CCDC122: variants seen among roughly 807,000 people sequenced by gnomAD.
The protein encoded by CCDC122 is coiled-coil domain-containing protein 122.
CCDC122 carries 38 observed loss-of-function variants against 37.0 expected under a neutral mutation model. That is an observed-to-expected ratio of 1.03 (90% CI 0.79 to 1.35). The LOEUF (loss-of-function observed/expected upper bound fraction) is 1.35. Ranked by LOEUF, CCDC122 falls within the 40% of genes most tolerant of loss-of-function variation. The pLI is 0.00. For missense variants in CCDC122, 305 were observed against 310.0 expected (o/e 0.98, Z 0.12); for synonymous variants, 83 against 95.6 (o/e 0.87, Z 0.77).
chr13:43,843,700 A>C (rs895340486), intron 6 of CCDC122, among the ~76,000 whole-genome samples: 3 of 151,980 alleles, frequency 2.0e-5, no homozygotes, highest in African/African-American at 7.2e-5. Context: ...GGAGCCTTAT[A>C]TATGGGAAGA....
Position 43,853,542 on chromosome 13 carries a change from G to A in CCDC122, c.672+5239C>T, listed in dbSNP as rs540238205. Among the ~76,000 whole-genome samples the A allele has an allele frequency of 1.3e-4, 20 of 152,124 alleles. No individual in the cohort carries two copies. In the South Asian group the frequency reaches 4.2e-3, roughly 32 times the overall value. The stretch of plus-strand genomic sequence containing the variant: ...CTTAGACCCCCACACAATAATGGTG[G>A]GAGATTCTAACACCCCACTAACAAT... On this transcript the variant is annotated intron_variant, in intron 6 of 6. Coordinates refer to ENST00000444614, the MANE Select transcript of CCDC122 (RefSeq NM_144974.5).
intron 6 of CCDC122, among the ~76,000 whole-genome samples, chr13:43,850,502 A>C (rs1185928199): frequency 6.6e-6 from 1 of 152,244 alleles, no homozygotes; most frequent in Non-Finnish European, 1.5e-5. Flanking sequence ...CTCAAATGGC[A>C]ATTTAAGAAC....
chr13:43,878,027 A>G (rs1455088509), intron 1 of CCDC122: 1 of 152,230 alleles, frequency 6.6e-6, no homozygotes, highest in Admixed American at 6.5e-5. Context: ...TGGTGAAAGG[A>G]AATGGTATGC....
intron 3 of CCDC122, among the ~76,000 whole-genome samples, chr13:43,828,553 GATAC>G (rs780117537): frequency 6.5e-5 from 5 of 76,768 alleles, no homozygotes; most frequent in Non-Finnish European, 1.2e-4. Flanking sequence ...TTTATAGACA[GATAC>G]ACACACACAC....
At chr13:43,854,704 A>G (rs1707524949) in intron 6 of CCDC122, 2 of 152,198 alleles carry the variant, frequency 1.3e-5, no homozygotes. Flanking sequence ...TCCTTGATGA[A>G]CATCGATGCA....
chr13:43,840,777 T>C (rs36181000), intron 6 of CCDC122, among the ~76,000 whole-genome samples: 67,619 of 138,364 alleles, frequency 0.49, 18,710 homozygotes, highest in Non-Finnish European at 0.62. Context: ...TTAATCCAGT[T>C]TACAATTGTT....
downstream of CCDC122, among the ~76,000 whole-genome samples, chr13:43,835,238 C>G (rs1197915769): frequency 2.0e-5 from 3 of 152,132 alleles, no homozygotes. Flanking sequence ...CGTGTTCTCA[C>G]TCCTAGGTGG....
chr13:43,869,089 T>C (rs1264721230), intron 3 of CCDC122, among the ~76,000 whole-genome samples: 5 of 152,054 alleles, frequency 3.3e-5, no homozygotes, highest in African/African-American at 9.7e-5. Flanking sequence ...CTTGCACATA[T>C]ACTATAATTA....
chr13:43,834,196 C>A (rs1167664904), downstream of CCDC122, among the ~76,000 whole-genome samples: 1 of 152,086 alleles, frequency 6.6e-6, no homozygotes, highest in Admixed American at 6.5e-5. Flanking sequence ...CTGGCAAAAA[C>A]AAGAAATGAG....
intron 4 of CCDC122, among the ~76,000 whole-genome samples, chr13:43,864,604 T>G (rs1264839234): frequency 6.6e-6 from 1 of 152,102 alleles, no homozygotes; most frequent in Non-Finnish European, 1.5e-5. Flanking sequence ...GAATGAGAAC[T>G]CCTTTGCTCC....
chr13:43,843,258 A>G (rs186099791), intron 6 of CCDC122, among the ~76,000 whole-genome samples: 9 of 151,970 alleles, frequency 5.9e-5, no homozygotes, highest in Non-Finnish European at 1.2e-4. Flanking sequence ...TTCTCATAAA[A>G]TTTGTTGAGA....
At chr13:43,828,831 A>C (rs1953063605) in intron 3 of CCDC122, among the ~76,000 whole-genome samples, 1 of 152,120 alleles carries the variant, frequency 6.6e-6, no homozygotes, top group African/African-American at 2.4e-5. Context: ...TGTTTCTATT[A>C]CTATGTCCCA....
At chr13:43,836,251 T>C (rs1953157124), downstream of CCDC122, 1 of 152,242 alleles carries the variant, frequency 6.6e-6, no homozygotes, top group Non-Finnish European at 1.5e-5. Flanking sequence ...TTTATTGACA[T>C]TTTGCCTTTC....
chr13:43,830,414 G>A (rs941862448), intron 3 of CCDC122, among the ~76,000 whole-genome samples: 29 of 152,174 alleles, frequency 1.9e-4, no homozygotes, highest in Admixed American at 1.8e-3. Context: ...GAAGATTCTT[G>A]AGCGAGTGAT....
chr13:43,858,835 A>G lies in CCDC122; in HGVS notation c.618T>C (p.Thr206=). The change falls in exon 6 of 7, where the codon ACT becomes ACC. Residue 206 remains threonine, a synonymous_variant. Transcript: ENST00000444614. The part of the protein sequence containing the change: ...ITVKESIIEK[T]CFLEEEKKTH... Reference sequence around the variant, plus strand: ...TCTTTTTTTCTTCCTCAAGAAAACAAGTTTTTTCAATGATAGATTCTTTTA... The same window carrying G: ...TCTTTTTTTCTTCCTCAAGAAAACAGGTTTTTTCAATGATAGATTCTTTTA... The G allele has an allele frequency of 7.0e-7, 1 of 1,428,140 alleles. No homozygotes were observed. The allele number at this position is 1,428,140 out of a possible 1,614,324, so 88.5% of individuals were successfully genotyped here.
intron 3 of CCDC122, among the ~76,000 whole-genome samples, chr13:43,831,108 A>G (rs1026251810): frequency 6.6e-6 from 1 of 152,228 alleles, no homozygotes; most frequent in Admixed American, 6.5e-5. Flanking sequence ...TAAAATTAAA[A>G]TACTATCAAC....
At chr13:43,860,234 T>A (rs1594845455) in intron 4 of CCDC122, among the ~76,000 whole-genome samples, 164 bp from the exon 5 acceptor site, 1 of 65,230 alleles carries the variant, frequency 1.5e-5, no homozygotes, top group African/African-American at 3.3e-5. Context: ...TAAACACAAT[T>A]ATTTTATAAT....
chr13:43,856,994 T>A (rs955082218), intron 6 of CCDC122, among the ~76,000 whole-genome samples: 4 of 152,212 alleles, frequency 2.6e-5, no homozygotes, highest in African/African-American at 7.2e-5. Flanking sequence ...CTTTCCAAAG[T>A]GCTTTTAGCA....
downstream of CCDC122, among the ~76,000 whole-genome samples, chr13:43,822,565 T>C (rs1056176132): frequency 6.6e-6 from 1 of 152,270 alleles, no homozygotes; most frequent in Non-Finnish European, 1.5e-5. Context: ...CCAAAGATGC[T>C]GTCTGGGAGC....
Sources: allele counts gnomAD v4.1 joint callset (sites outside exome capture counted in the v4.1 genomes callset), GRCh38; gene constraint gnomAD v4.1.1; transcripts MANE v1.5; gene names NCBI Gene and HGNC (gene_info 2026-07-23, HGNC 2026-07-21).